The following PTPRN2 variants were observed in gnomAD, a reference collection of about 807,000 sequenced individuals.
PTPRN2 encodes the protein protein tyrosine phosphatase receptor type N2.
Under a neutral mutation model 118.8 loss-of-function variants are expected in PTPRN2, and 74 were observed. The ratio of observed to expected loss-of-function variants is 0.62; its 90% CI spans 0.52 to 0.76. PTPRN2 has a LOEUF of 0.76. PTPRN2 is among the 30% of genes least tolerant of loss of function. The probability of loss-of-function intolerance (pLI) is 0.00; values close to 1 mark genes in which losing one functional copy is unlikely to be tolerated. For missense variants in PTPRN2, 1,481 were observed against 1,394.4 expected, an observed-to-expected ratio of 1.06 and a Z score of -0.99; for synonymous variants, 641 against 608.0, an observed-to-expected ratio of 1.05 and a Z score of -0.80.
chr7:157,661,366 G>C (rs955990036), intron 13 of PTPRN2, among the ~76,000 whole-genome samples: 8 of 152,116 alleles, frequency 5.3e-5, no homozygotes, highest in Admixed American at 4.6e-4. Flanking sequence ...TGTGCAGAGG[G>C]AGACGCTGCC....
In PTPRN2 at chr7:157,903,108, C is replaced by G. The variant is rs1319660521; in HGVS notation, c.1724-4371G>C. 6.6e-6 allele frequency among the ~76,000 whole-genome samples: 1 copy of G among 151,842 alleles called. No individual in the cohort carries two copies. Among genetic ancestry groups the G allele is most frequent in the Non-Finnish European group, 1.5e-5 (1 of 67,962 alleles). On this transcript the variant is annotated intron_variant, in intron 11 of 22. Coordinates refer to ENST00000389418, the MANE Select transcript of PTPRN2 (RefSeq NM_002847.5). This position sits in a 1 kb window ranked among gnomAD's most constrained non-coding sequence, Gnocchi z 4.2. Reference sequence around the variant, plus strand: ...CACACTCTCACACGGAAGCAGGAACCAGACATCATCAGAGAGCCACACGCT... The same window carrying G: ...CACACTCTCACACGGAAGCAGGAACGAGACATCATCAGAGAGCCACACGCT...
chr7:157,702,689 T>C (rs1798138760), intron 12 of PTPRN2, among the ~76,000 whole-genome samples: 1 of 152,266 alleles, frequency 6.6e-6, no homozygotes, highest in Non-Finnish European at 1.5e-5. Context: ...TTTCATCTGT[T>C]GATCAGTCTA....
intron 9 of PTPRN2, among the ~76,000 whole-genome samples, chr7:158,119,442 C>A (rs377670711): frequency 6.6e-6 from 1 of 152,026 alleles, no homozygotes; most frequent in Non-Finnish European, 1.5e-5. Context: ...GAATGTAACA[C>A]GGTATATCAA....
At chr7:158,456,668 G>A (rs935765885) in intron 2 of PTPRN2, among the ~76,000 whole-genome samples, 45 of 152,306 alleles carry the variant, frequency 3.0e-4, no homozygotes, top group Middle Eastern at 3.4e-3. Context: ...CACTCCATCC[G>A]TCTCCCCTGC....
chr7:158,489,237 G>T (rs1821253133), intron 2 of PTPRN2, among the ~76,000 whole-genome samples: 1 of 152,210 alleles, frequency 6.6e-6, no homozygotes, highest in Non-Finnish European at 1.5e-5. Flanking sequence ...CCTGAAGTCA[G>T]GAGTTCGAGA....
At chr7:158,155,685 T>TCATCAC (rs1821730388) in intron 6 of PTPRN2, among the ~76,000 whole-genome samples, 1 of 19,668 alleles carries the variant, frequency 5.1e-5, no homozygotes. Flanking sequence ...ATCATCACCA[T>TCATCAC]CACCATCAGC....
chr7:158,383,054 G>A (rs929409094), intron 2 of PTPRN2, among the ~76,000 whole-genome samples: 2 of 152,118 alleles, frequency 1.3e-5, no homozygotes, highest in African/African-American at 4.8e-5. Flanking sequence ...CACTCCGTCA[G>A]TATCCCACAG....
intron 2 of PTPRN2, among the ~76,000 whole-genome samples, chr7:158,416,265 A>T (rs1486593728): frequency 6.6e-6 from 1 of 152,194 alleles, no homozygotes; most frequent in Non-Finnish European, 1.5e-5. Context: ...GTGGTGGATG[A>T]TCTGATTGCA....
chr7:157,548,889 C>T (rs931435245), intron 22 of PTPRN2, 57 bp downstream of exon 22: 40 of 1,523,014 alleles, frequency 2.6e-5, no homozygotes, highest in Non-Finnish European at 3.5e-5. Context: ...CTCAGGAACA[C>T]GGCCGCAGAG....
chr7:157,710,470 C>A (rs1798549692), intron 12 of PTPRN2, among the ~76,000 whole-genome samples: 1 of 151,450 alleles, frequency 6.6e-6, no homozygotes, highest in African/African-American at 2.4e-5. Context: ...ACCCAAGCTG[C>A]CTAACCGCCC....
intron 14 of PTPRN2, among the ~76,000 whole-genome samples, chr7:157,648,577 GCA>G (rs1805318133): frequency 9.5e-6 from 1 of 104,940 alleles, no homozygotes; most frequent in Non-Finnish European, 2.0e-5. Flanking sequence ...GACCCATCCA[GCA>G]TGCACTGAAC....
intron 12 of PTPRN2, among the ~76,000 whole-genome samples, chr7:157,783,449 C>T (rs984834966): frequency 6.6e-6 from 1 of 150,736 alleles, no homozygotes; most frequent in Non-Finnish European, 1.5e-5. Context: ...CCTGATGTTC[C>T]TCGGCACTGC....
At chr7:157,644,680 A>G (rs1804920287) in intron 14 of PTPRN2, among the ~76,000 whole-genome samples, 1 of 152,118 alleles carries the variant, frequency 6.6e-6, no homozygotes. Context: ...CTATAATTCC[A>G]GTTACTCGGA....
At chr7:157,936,888 CCT>C (rs1799740077) in intron 11 of PTPRN2, among the ~76,000 whole-genome samples, 1 of 152,246 alleles carries the variant, frequency 6.6e-6, no homozygotes, top group Non-Finnish European at 1.5e-5. Context: ...CCACCTCTCC[CCT>C]GTCTTTCCGC....
At chr7:158,323,268 C>A (rs1309849838) in intron 2 of PTPRN2, among the ~76,000 whole-genome samples, 3 of 152,230 alleles carry the variant, frequency 2.0e-5, no homozygotes, top group Non-Finnish European at 2.9e-5. Flanking sequence ...TGGGATGCAA[C>A]CCCCTTCACT....
At chr7:158,321,018 C>T (rs1048783053) in intron 2 of PTPRN2, among the ~76,000 whole-genome samples, 1 of 152,038 alleles carries the variant, frequency 6.6e-6, no homozygotes, top group Non-Finnish European at 1.5e-5. Context: ...AGGCAGGACC[C>T]CAAAAGGTCT....
chr7:158,396,609 T>C (rs1563242414), intron 2 of PTPRN2, among the ~76,000 whole-genome samples: 2 of 151,634 alleles, frequency 1.3e-5, no homozygotes, highest in Non-Finnish European at 2.9e-5. Flanking sequence ...CCCAGAGCTC[T>C]GAAGGGGGCA....
intron 2 of PTPRN2, among the ~76,000 whole-genome samples, chr7:158,455,811 GCACAGATGCCATCGGCCACGGC>G: frequency 6.7e-6 from 1 of 149,588 alleles, no homozygotes; most frequent in South Asian, 2.2e-4. Flanking sequence ...GAACATAACG[GCACAGATGCCATCGGCCACGGC>G]CACCCATTGC....
intron 12 of PTPRN2, among the ~76,000 whole-genome samples, chr7:157,758,693 C>CT (rs1563078607): frequency 6.6e-6 from 1 of 152,152 alleles, no homozygotes; most frequent in Admixed American, 6.5e-5. Flanking sequence ...CAGGTCCCTC[C>CT]TGACCCCCGC....
Sources: allele counts gnomAD v4.1 joint callset (sites outside exome capture counted in the v4.1 genomes callset), GRCh38; gene constraint gnomAD v4.1.1; non-coding constraint Gnocchi (gnomAD v3.1); transcripts MANE v1.5; gene names NCBI Gene and HGNC (gene_info 2026-07-23, HGNC 2026-07-21).